CUBN: variants seen among roughly 807,000 people sequenced by gnomAD.
CUBN encodes the protein cubilin, also known as 460 kDa receptor.
Under a neutral mutation model 405.3 loss-of-function variants are expected in CUBN, and 282 were observed. The ratio of observed to expected loss-of-function variants is 0.70; its 90% CI spans 0.63 to 0.77. CUBN has a LOEUF of 0.77. Ranked by LOEUF, CUBN falls within the 30% of genes least tolerant of loss-of-function variation. CUBN has a pLI of 0.00. For synonymous variants in CUBN, 1,684 were observed against 1,617.0 expected, an observed-to-expected ratio of 1.04 and a Z score of -0.99; for missense variants, 4,514 against 4,475.2, an observed-to-expected ratio of 1.01 and a Z score of -0.25.
At chr10:16,844,985 G>A (rs1186251788) in intron 60 of CUBN, among the ~76,000 whole-genome samples, 1 of 152,190 alleles carries the variant, frequency 6.6e-6, no homozygotes, top group Non-Finnish European at 1.5e-5. Flanking sequence ...TCTAAGTCTT[G>A]TGGATGTGGG....
intron 65 of CUBN, among the ~76,000 whole-genome samples, chr10:16,831,043 C>T (rs552445195): frequency 7.9e-5 from 12 of 151,838 alleles, no homozygotes; most frequent in African/African-American, 2.2e-4. Flanking sequence ...GCTAAGATCA[C>T]GCCACTACAC....
At chr10:17,070,418 T>G (rs2172080) in intron 19 of CUBN, among the ~76,000 whole-genome samples, 45,966 of 151,978 alleles carry the variant, frequency 0.3, 8,338 homozygotes, top group African/African-American at 0.51. Context: ...GCTGTGATTT[T>G]TATGGGGATT....
Position 16,990,327 on chromosome 10 carries a change from T to C in CUBN, c.4350+7A>G. The C allele has an allele frequency of 6.2e-7, 1 of 1,614,118 alleles. No individual in the cohort carries two copies. The highest frequency in any genetic ancestry group is 1.3e-5 in the African/African-American group (1 of 75,074). ...GAATGTGCTGAAAAAACCATCTCAC[T>C]TCCTACCTCCAAGACATCAAAGTTG... On this transcript the variant is annotated splice_region_variant and intron_variant, in intron 29 of 66. Transcript: ENST00000377833.
Position 17,129,250 on chromosome 10 carries a change from C to A in CUBN, c.123G>T (p.Gln41His). ...TTCCTCTCTCTGTAGCCATTCGAGG[C>A]CTATATAATTCAAACGAGAGAATGC... ...QRQKRSINLQ[Q>H]PRMATERGNL... is the part of the protein sequence containing the mutation. Residue 41 changes from glutamine (Q) to histidine (H), a missense_variant and splice_region_variant, in exon 2 of 67, where the codon CAG (glutamine) becomes CAT (histidine). By Grantham distance (24) the Gln-to-His change is conservative. Transcript: ENST00000377833. 6.2e-7 allele frequency: 1 copy of A among 1,613,370 alleles called. No homozygotes were observed. The highest frequency in any genetic ancestry group is 2.2e-5 in the East Asian group (1 of 44,856).
At chr10:16,882,890 T>G (rs1218206970) in intron 56 of CUBN, among the ~76,000 whole-genome samples, 1 of 152,086 alleles carries the variant, frequency 6.6e-6, no homozygotes, top group Non-Finnish European at 1.5e-5. Context: ...GTCTGGTGCC[T>G]GTAATCCCAG....
rs67084462 is a variant in CUBN, at chr10:16,901,889, G to GTA, written c.8063-432_8063-431dup. ...ATATTATATATATACACCATATATA[G>GTA]TATATATATATATATATATATATAT... is the stretch of plus-strand genomic sequence containing the variant. On this transcript the variant is annotated intron_variant, in intron 51 of 66. Transcript: ENST00000377833. Among the ~76,000 whole-genome samples, 294 of 109,156 alleles carry GTA rather than the reference G, an allele frequency of 2.7e-3. 4 individuals are homozygous for GTA. Among genetic ancestry groups the GTA allele is most frequent in the African/African-American group, 8.0e-3 (211 of 26,364 alleles). The allele number at this position is 109,156 out of a possible 152,430, so 71.6% of individuals were successfully genotyped here.
At chr10:17,117,092 AT>A (rs1836919723) in intron 6 of CUBN, among the ~76,000 whole-genome samples, 2 of 152,184 alleles carry the variant, frequency 1.3e-5, no homozygotes, top group South Asian at 4.1e-4. Context: ...ACAATAAATG[AT>A]TAAAATTAAA....
At position 17,128,013 on chromosome 10, in the gene CUBN, T is replaced by C. The variant is rs574708758; in HGVS notation, c.253-89A>G. 4 of 901,642 alleles carry C rather than the reference T, an allele frequency of 4.4e-6. No homozygotes were observed. The South Asian group carries it at 5.9e-5, about 13-fold the overall frequency. 55.9% of individuals were successfully genotyped at this position (901,642 alleles called of 1,614,324 possible). A position where few individuals can be genotyped will look rare whatever the true frequency, so the allele number is the denominator to read the frequency against. On this transcript the variant is annotated intron_variant, in intron 2 of 66. Transcript: ENST00000377833. ...GTAACATAATTAAAAACTTGAGTAGTATTCTACTTTAAGCACTAAGATCTT... is the reference window on the plus strand; with the variant it reads ...GTAACATAATTAAAAACTTGAGTAGCATTCTACTTTAAGCACTAAGATCTT...
Position 16,874,413 on chromosome 10 carries a change from T to C in CUBN, c.9197A>G (p.Tyr3066Cys). 6.2e-7 allele frequency: 1 copy of C among 1,614,190 alleles called. No homozygotes were observed. The highest frequency in any genetic ancestry group is 1.3e-5 in the African/African-American group (1 of 75,056). ...CTTGTCGTCACTAACGGTGATGGTA[T>C]ACAGACAGTGCATATCATTTGGGTA... ...ADYPNDMHCL[Y>C]TITVSDDKVI... The change falls in exon 58 of 67, where the codon TAT becomes TGT. Residue 3066 changes from tyrosine (Y) to cysteine (C), a missense_variant. Transcript: ENST00000377833.
intron 28 of CUBN, among the ~76,000 whole-genome samples, chr10:17,017,671 A>G (rs1220724517): frequency 6.6e-6 from 1 of 152,074 alleles, no homozygotes; most frequent in East Asian, 1.9e-4. Context: ...TCCAGATAGT[A>G]CCCCCTACAA....
chr10:17,039,710 T>C (rs1021339044), intron 27 of CUBN, among the ~76,000 whole-genome samples: 8 of 152,202 alleles, frequency 5.3e-5, no homozygotes, highest in African/African-American at 1.7e-4. Context: ...TTAAAACCAT[T>C]GCCAAGTACG....
intron 40 of CUBN, 31 bp downstream of exon 40, chr10:16,933,056 T>G: frequency 3.1e-6 from 5 of 1,605,588 alleles, no homozygotes; most frequent in Non-Finnish European, 4.3e-6. Context: ...GTGTCAGGGT[T>G]GAAACTCAGC....
chr10:16,970,432 C>T lies in CUBN; in HGVS notation c.4695+12052G>A, dbSNP rs542876277. ...TCCACTAAAAACACAAAATATTAGCCGGGCATGGTGGCACATGCCTGTAAT... is the reference window on the plus strand; with the variant it reads ...TCCACTAAAAACACAAAATATTAGCTGGGCATGGTGGCACATGCCTGTAAT... On this transcript the variant is annotated intron_variant, in intron 31 of 66. Transcript: ENST00000377833. 5.3e-5 allele frequency among the ~76,000 whole-genome samples: 8 copies of T among 152,200 alleles called. No homozygotes were observed. In the East Asian group the frequency reaches 9.7e-4, roughly 18 times the overall value.
intron 17 of CUBN, among the ~76,000 whole-genome samples, chr10:17,077,594 C>T (rs1161484748): frequency 6.6e-6 from 1 of 152,180 alleles, no homozygotes; most frequent in Non-Finnish European, 1.5e-5. Flanking sequence ...TACGCTTAGT[C>T]CATCTGAGAG....
chr10:16,924,712 T>C (rs1436639765), intron 43 of CUBN, among the ~76,000 whole-genome samples: 2 of 152,064 alleles, frequency 1.3e-5, no homozygotes, highest in African/African-American at 2.4e-5. Flanking sequence ...AATCAAATCA[T>C]TACAGTAGAA....
chr10:16,895,954 T>A (rs941883860), intron 54 of CUBN, among the ~76,000 whole-genome samples: 13 of 152,276 alleles, frequency 8.5e-5, no homozygotes, highest in Middle Eastern at 3.4e-3. Flanking sequence ...CTATTTCTCT[T>A]TTCTTGATAT....
intron 22 of CUBN, among the ~76,000 whole-genome samples, chr10:17,064,051 A>G (rs544105068): frequency 2.6e-5 from 4 of 152,358 alleles, no homozygotes; most frequent in African/African-American, 9.6e-5. Context: ...TGGTCACTGG[A>G]TGTTAACCAC....
intron 56 of CUBN, among the ~76,000 whole-genome samples, chr10:16,886,393 C>T (rs1028428394): frequency 1.3e-5 from 2 of 152,054 alleles, no homozygotes; most frequent in African/African-American, 2.4e-5. Context: ...GAGACTAACC[C>T]AAGAGTAAGA....
intron 22 of CUBN, among the ~76,000 whole-genome samples, chr10:17,056,462 A>G (rs1267215201): frequency 9.9e-5 from 15 of 151,940 alleles, no homozygotes; most frequent in Non-Finnish European, 1.9e-4. Context: ...ACAAAAAATT[A>G]CCTGGGCATG....
Sources: gnomAD v4.1 joint callset for allele counts (sites outside exome capture counted in the v4.1 genomes callset) on GRCh38, gnomAD v4.1.1 for gene constraint, MANE v1.5 for transcripts, NCBI Gene and HGNC (gene_info 2026-07-23, HGNC 2026-07-21) for gene names.